The following TUBGCP3 variants were observed in gnomAD, a reference collection of about 807,000 sequenced individuals.
TUBGCP3 encodes the protein gamma-tubulin complex component 3.
TUBGCP3 carries 50 observed loss-of-function variants against 123.1 expected under a neutral mutation model. The observed-to-expected ratio is 0.41, with a 90% CI of 0.32 to 0.51. TUBGCP3 has a LOEUF of 0.51. Ranked by LOEUF, TUBGCP3 falls within the 20% of genes least tolerant of loss-of-function variation. The pLI, the probability that TUBGCP3 is intolerant of heterozygous loss-of-function variation, is 0.36. For synonymous variants in TUBGCP3, 405 were observed against 413.9 expected (o/e 0.98, Z 0.26); for missense variants, 882 against 1,127.0 (o/e 0.78, Z 3.11).
In TUBGCP3 at chr13:112,519,130, T is replaced by C. The variant is rs1876405074; in HGVS notation, c.1882-87A>G. On this transcript the variant is annotated intron_variant, in intron 15 of 21. Coordinates refer to ENST00000261965, the MANE Select transcript of TUBGCP3 (RefSeq NM_006322.6). This position sits in a 1 kb window ranked among gnomAD's most constrained non-coding sequence, Gnocchi z 6.2. ...ACGCAAAGAAAAAGCAGTAAAATAA[T>C]GCCCAATTGTTAAAAACTGCTCAAC... 1.9e-6 allele frequency: 2 copies of C among 1,072,228 alleles called. No homozygotes were observed. Among genetic ancestry groups the C allele is most frequent in the Non-Finnish European group, 2.9e-6 (2 of 695,450 alleles). The allele number at this position is 1,072,228 out of a possible 1,614,324, so 66.4% of individuals were successfully genotyped here. A position where few individuals can be genotyped will look rare whatever the true frequency, so the allele number is the denominator to read the frequency against.
At chr13:112,498,273 G>C (rs1334492638) in intron 20 of TUBGCP3, among the ~76,000 whole-genome samples, 1 of 152,152 alleles carries the variant, frequency 6.6e-6, no homozygotes, top group Non-Finnish European at 1.5e-5. Flanking sequence ...CTTGGGACCA[G>C]AAGTATTTTG....
At chr13:112,553,365 G>T (rs1478879417) in intron 8 of TUBGCP3, among the ~76,000 whole-genome samples, 1 of 152,258 alleles carries the variant, frequency 6.6e-6, no homozygotes, top group African/African-American at 2.4e-5. Context: ...GTACACAGTT[G>T]TTCTGTGATT....
chr13:112,597,556 T>C, the TUBGCP3 span, among the ~76,000 whole-genome samples: 1 of 152,026 alleles, frequency 6.6e-6, no homozygotes, highest in Non-Finnish European at 1.5e-5. Context: ...CAATGCACTA[T>C]GAATAAGATG....
chr13:112,569,803 A>G (rs549983149), intron 1 of TUBGCP3, among the ~76,000 whole-genome samples: 2 of 152,346 alleles, frequency 1.3e-5, no homozygotes, highest in South Asian at 4.1e-4. Flanking sequence ...CAAAGAAAAC[A>G]AGGCAGAAAG....
intron 3 of TUBGCP3, 42 bp downstream of exon 3, chr13:112,565,069 C>T (rs1431122413): frequency 3.2e-6 from 5 of 1,557,120 alleles, no homozygotes; most frequent in Non-Finnish European, 4.4e-6. Context: ...TCATCATATC[C>T]TCAACAATGA....
chr13:112,553,860 C>T (rs988184336), intron 8 of TUBGCP3, among the ~76,000 whole-genome samples, 197 bp downstream of exon 8: 1 of 152,232 alleles, frequency 6.6e-6, no homozygotes, highest in African/African-American at 2.4e-5. Context: ...AGTTCCTGAG[C>T]CAACCTGCTG....
At chr13:112,547,259 C>T (rs910407627) in intron 10 of TUBGCP3, 4 of 397,574 alleles carry the variant, frequency 1.0e-5, no homozygotes, top group Admixed American at 4.4e-5. Context: ...CCAAGGACCA[C>T]ACAAGAGAGA....
Position 112,545,925 on chromosome 13 carries a change from A to T in TUBGCP3, c.1169-60T>A. The T allele has an allele frequency of 6.4e-7, 1 of 1,562,176 alleles. No homozygotes were observed. Among genetic ancestry groups the T allele is most frequent in the South Asian group, 1.1e-5 (1 of 87,438 alleles). ...CACATTTACACTCATAGTACACACC[A>T]GTCACTTCTCACCAACCAAAGACGC... On this transcript the variant is annotated intron_variant, in intron 10 of 21. Transcript: ENST00000261965. The surrounding 1 kb of genome is among the most constrained non-coding windows in gnomAD (Gnocchi z 4.1).
intron 21 of TUBGCP3, among the ~76,000 whole-genome samples, chr13:112,488,399 G>A (rs762140309): frequency 6.6e-6 from 1 of 152,206 alleles, no homozygotes; most frequent in Non-Finnish European, 1.5e-5. Context: ...ATACATGGAG[G>A]CAAAAGCAGA....
upstream of TUBGCP3, among the ~76,000 whole-genome samples, chr13:112,588,417 T>C (rs997041104): frequency 1.3e-5 from 2 of 152,122 alleles, no homozygotes. Flanking sequence ...TGGGGGTGTG[T>C]GTGTTAACGG....
At chr13:112,489,237 G>C (rs11840656) in intron 21 of TUBGCP3, among the ~76,000 whole-genome samples, 151 of 96,852 alleles carry the variant, frequency 1.6e-3, no homozygotes, top group African/African-American at 6.0e-3. Flanking sequence ...CAGGGGCCAC[G>C]CCCAGGTCCC....
rs202135335 is a variant in TUBGCP3, at chr13:112,547,673, T to C, written c.1115A>G (p.Tyr372Cys). 33 of 1,587,112 alleles carry C rather than the reference T, an allele frequency of 2.1e-5. No homozygotes were observed. In the East Asian group the frequency reaches 2.9e-4, roughly 14 times the overall value. Residue 372 changes from tyrosine to cysteine, a missense_variant, in exon 10 of 22, where the codon TAT becomes TGT. Tyr to Cys is a radical substitution (Grantham distance 194). This residue lies in a region of TUBGCP3 where 713 missense variants were observed against 874.0 expected (regional missense o/e 0.82). Coordinates refer to ENST00000261965, the MANE Select transcript of TUBGCP3 (RefSeq NM_006322.6). ...LTLRRLLVWT[Y>C]DPKIRLKTLA... ...GGTCTTCAGTCGTATTTTGGGATCA[T>C]AGGTCCAAACCAGGAGGCGCCGAAG...
intron 1 of TUBGCP3, among the ~76,000 whole-genome samples, chr13:112,583,134 C>T (rs909325503): frequency 3.3e-5 from 5 of 152,180 alleles, no homozygotes; most frequent in Non-Finnish European, 5.9e-5. Context: ...TCAGTTTTCT[C>T]ATCTAGAAAA....
Position 112,504,019 on chromosome 13 carries a change from G to A in TUBGCP3, c.2307+13C>T, listed in dbSNP as rs778141776. The A allele has an allele frequency of 6.2e-7, 1 of 1,604,456 alleles. No individual in the cohort carries two copies. Among genetic ancestry groups the A allele is most frequent in the Non-Finnish European group, 8.5e-7 (1 of 1,173,954 alleles). On this transcript the variant is annotated intron_variant, in intron 19 of 21. Coordinates refer to ENST00000261965, the MANE Select transcript of TUBGCP3 (RefSeq NM_006322.6). ...CTTTTGGTTTCTTGTTTCTAAGCAG[G>A]TCGGAGTCTTACCCTGGAGTCACTG...
chr13:112,500,734 G>A (rs1482060037), intron 19 of TUBGCP3, among the ~76,000 whole-genome samples: 1 of 152,196 alleles, frequency 6.6e-6, no homozygotes, highest in Non-Finnish European at 1.5e-5. Context: ...AAGATGTTGA[G>A]TTAACTCTAT....
chr13:112,528,685 A>G (rs1028241698), intron 11 of TUBGCP3, among the ~76,000 whole-genome samples: 2 of 152,168 alleles, frequency 1.3e-5, no homozygotes, highest in Non-Finnish European at 2.9e-5. Context: ...AGTATGGTCC[A>G]TATTTTAGTT....
chr13:112,520,422 T>A (rs185545623), intron 14 of TUBGCP3, among the ~76,000 whole-genome samples: 14 of 152,026 alleles, frequency 9.2e-5, no homozygotes, highest in Non-Finnish European at 2.1e-4. Flanking sequence ...CCAGCTACTT[T>A]GGAGGCTGAG....
At chr13:112,573,845 T>G (rs1353956832) in intron 1 of TUBGCP3, among the ~76,000 whole-genome samples, 1 of 152,198 alleles carries the variant, frequency 6.6e-6, no homozygotes, top group Non-Finnish European at 1.5e-5. Context: ...CAACCCGGGA[T>G]GCAGAGGAGC....
At chr13:112,488,435 C>T (rs539911292) in intron 21 of TUBGCP3, among the ~76,000 whole-genome samples, 1 of 152,334 alleles carries the variant, frequency 6.6e-6, no homozygotes, top group South Asian at 2.1e-4. Flanking sequence ...AGCAGCCGTC[C>T]CCAGCCTTCC....
Sources: allele counts gnomAD v4.1 joint callset (sites outside exome capture counted in the v4.1 genomes callset), GRCh38; gene constraint gnomAD v4.1.1; regional missense constraint gnomAD v4.1.1; non-coding constraint Gnocchi (gnomAD v3.1); transcripts MANE v1.5; gene names NCBI Gene and HGNC (gene_info 2026-07-23, HGNC 2026-07-21).